CEP104: variants seen among roughly 807,000 people sequenced by gnomAD.
The protein encoded by CEP104 is centrosomal protein 104, also known as centrosomal protein of 104 kDa.
A neutral mutation model predicts 113.3 loss-of-function variants in CEP104; 84 were observed. The ratio of observed to expected loss-of-function variants is 0.74; its 90% CI spans 0.62 to 0.89. The LOEUF (loss-of-function observed/expected upper bound fraction) is 0.89. Among genes scored for constraint, CEP104 ranks in the 40% least tolerant of loss-of-function variants. The probability of loss-of-function intolerance (pLI) is 0.00; values close to 1 mark genes in which losing one functional copy is unlikely to be tolerated. For synonymous variants in CEP104, 378 were observed against 421.7 expected, an observed-to-expected ratio of 0.90 and a Z score of 1.27; for missense variants, 1,053 against 1,156.6, an observed-to-expected ratio of 0.91 and a Z score of 1.30.
chr1:3,825,718 C>G (rs751856017), intron 18 of CEP104, 40 bp downstream of exon 18: 2 of 1,313,082 alleles, frequency 1.5e-6, no homozygotes, highest in Non-Finnish European at 2.2e-6. Flanking sequence ...CAGGTGTTCC[C>G]GCTCATGCAA....
intron 6 of CEP104, among the ~76,000 whole-genome samples, chr1:3,841,300 T>G (rs1367164078): frequency 6.6e-6 from 1 of 151,778 alleles, no homozygotes; most frequent in African/African-American, 2.4e-5. Context: ...CTCTGGCATC[T>G]CCCCACCCTT....
intron 6 of CEP104, among the ~76,000 whole-genome samples, chr1:3,840,921 T>C (rs936018885): frequency 6.6e-6 from 1 of 152,232 alleles, no homozygotes; most frequent in African/African-American, 2.4e-5. Context: ...AGTTGTATGG[T>C]GTCAACCATC....
rs535885590 is a variant in CEP104, at chr1:3,847,263, C to CTGGGCACTAGGCCAGTTCGTGG, written c.426+190_426+211dup. On this transcript the variant is annotated intron_variant, in intron 4 of 21. Coordinates refer to ENST00000378230, the MANE Select transcript of CEP104 (RefSeq NM_014704.4). ...CTGTCTGGTGATGCTGGCAGCAGCT[C>CTGGGCACTAGGCCAGTTCGTGG]TGGGCACTAGGCCAGTTCGTGGTGG... is the stretch of plus-strand genomic sequence containing the variant. 5.9e-3 allele frequency among the ~76,000 whole-genome samples: 897 copies of CTGGGCACTAGGCCAGTTCGTGG among 152,320 alleles called. 9 individuals are homozygous for CTGGGCACTAGGCCAGTTCGTGG. The highest frequency in any genetic ancestry group is 0.02 in the African/African-American group (834 of 41,562).
At position 3,839,857 on chromosome 1, in the gene CEP104, C is replaced by A. The variant is rs1570820794; in HGVS notation, c.567-81G>T. 1.7e-5 allele frequency: 19 copies of A among 1,138,162 alleles called. No individual in the cohort carries two copies. The East Asian group carries it at 4.3e-4, about 26-fold the overall frequency. The allele number at this position is 1,138,162 out of a possible 1,614,324, so 70.5% of individuals were successfully genotyped here. ...CTGAAGATGCACGGTTGAGAAGATG[C>A]CCCTCCCCATCCTGCCCCATCATGG... On this transcript the variant is annotated intron_variant, in intron 6 of 21. Transcript: ENST00000378230.
Position 3,819,132 on chromosome 1 carries a change from G to C in CEP104, c.2572-2762C>G, listed in dbSNP as rs57991510. On this transcript the variant is annotated intron_variant, in intron 20 of 21. Transcript: ENST00000378230. The surrounding 1 kb of genome is among the most constrained non-coding windows in gnomAD (Gnocchi z 4.6). ...GGACTTTAAAGCAGATACCTAGTAT[G>C]TTCAAGGACTTGAACGTGCAATGAA... Among the ~76,000 whole-genome samples, 1,740 of 152,300 alleles carry C rather than the reference G, an allele frequency of 0.011. 35 individuals are homozygous for C. Among genetic ancestry groups the C allele is most frequent in the African/African-American group, 0.04 (1,653 of 41,564 alleles).
intron 15 of CEP104, among the ~76,000 whole-genome samples, chr1:3,828,655 G>A (rs916192203): frequency 3.3e-5 from 5 of 152,112 alleles, no homozygotes; most frequent in African/African-American, 7.2e-5. Context: ...TCAGGTCTGC[G>A]GAACGGAAAC....
At chr1:3,853,405 GAAA>G (rs35675178) in intron 1 of CEP104, among the ~76,000 whole-genome samples, 7 of 149,200 alleles carry the variant, frequency 4.7e-5, no homozygotes, top group South Asian at 2.1e-4. Context: ...ATCATCGGGG[GAAA>G]AAAAAAAAGG....
intron 1 of CEP104, chr1:3,856,115 A>T (rs923294408): frequency 1.2e-5 from 3 of 253,644 alleles, no homozygotes; most frequent in Admixed American, 6.5e-5. Context: ...TTTTAAGAAG[A>T]CTTTTAAGTG....
chr1:3,837,897 G>C (rs147953110), intron 8 of CEP104, among the ~76,000 whole-genome samples: 1 of 152,346 alleles, frequency 6.6e-6, no homozygotes, highest in East Asian at 1.9e-4. Context: ...TTCAAAATCT[G>C]GCACTGCTAT....
chr1:3,827,591 G>A (rs1008544726), intron 15 of CEP104, among the ~76,000 whole-genome samples: 3 of 152,230 alleles, frequency 2.0e-5, no homozygotes, highest in Admixed American at 6.5e-5. Flanking sequence ...GGATGGTGGC[G>A]ATGGTTGCAC....
chr1:3,823,215 G>A lies in CEP104; in HGVS notation c.2530C>T (p.Arg844Trp), dbSNP rs376377846. ...NPAKPEKLAN[R>W]CPLCHENFSP... ...AAGTTCTCATGACACAGGGGACACC[G>A]GTTTGCCAGCTTCTCCGGTTTGGCA... is the stretch of plus-strand genomic sequence containing the variant. Residue 844 changes from arginine (R) to tryptophan (W), a missense_variant, in exon 20 of 22, where the codon CGG becomes TGG. By Grantham distance (101) the Arg-to-Trp change is moderately radical. Transcript: ENST00000378230. The surrounding 1 kb of genome is among the most constrained non-coding windows in gnomAD (Gnocchi z 4.1). 9.3e-6 allele frequency: 15 copies of A among 1,614,042 alleles called. No homozygotes were observed. The highest frequency in any genetic ancestry group is 5.5e-5 in the South Asian group (5 of 91,086).
chr1:3,842,928 C>G (rs1167116559), intron 6 of CEP104, among the ~76,000 whole-genome samples: 1 of 152,146 alleles, frequency 6.6e-6, no homozygotes, highest in Admixed American at 6.5e-5. Flanking sequence ...GCTGGGACTA[C>G]AGGTGTGCGC....
chr1:3,847,032 T>G (rs1474721530), intron 4 of CEP104, among the ~76,000 whole-genome samples: 1 of 152,236 alleles, frequency 6.6e-6, no homozygotes, highest in East Asian at 1.9e-4. Flanking sequence ...TATTTACAAC[T>G]GTGCTGTCCT....
chr1:3,822,707 T>TA (rs56900717), intron 20 of CEP104: 103,072 of 154,112 alleles, frequency 0.67, 36,067 homozygotes, highest in African/African-American at 0.89. Flanking sequence ...CCGTCCCCAC[T>TA]TGCCTGCTGA....
chr1:3,848,787 A>C lies in CEP104; in HGVS notation c.114-6T>G. On this transcript the variant is annotated splice_polypyrimidine_tract_variant and splice_region_variant and intron_variant, in intron 2 of 21. Transcript: ENST00000378230. Reference sequence around the variant, plus strand: ...CTTGTGGAAACTGGCAAAATCTGAAAGCAAACACATTTTTATATTTTCTGA... The same window carrying C: ...CTTGTGGAAACTGGCAAAATCTGAACGCAAACACATTTTTATATTTTCTGA... 1 of 1,604,566 alleles carries C rather than the reference A, an allele frequency of 6.2e-7. No individual in the cohort carries two copies. The highest frequency in any genetic ancestry group is 8.5e-7 in the Non-Finnish European group (1 of 1,177,142).
At chr1:3,853,572 T>C (rs1019866883) in intron 1 of CEP104, among the ~76,000 whole-genome samples, 4 of 152,248 alleles carry the variant, frequency 2.6e-5, no homozygotes, top group African/African-American at 9.6e-5. Context: ...GATCTAGATC[T>C]TTCTTTTACT....
intron 20 of CEP104, chr1:3,816,595 G>T: frequency 2.0e-6 from 1 of 490,918 alleles, no homozygotes; most frequent in Non-Finnish European, 3.6e-6. Flanking sequence ...CCTGTCACCA[G>T]GCAAGCCTGC....
Position 3,815,206 on chromosome 1 carries a change from AG to A in CEP104, c.*195del, listed in dbSNP as rs1643862159. ...GCGGCCAGGTCCTGGCACTGCACGC[AG>A]GATCTTTGGTTAGCTGCATCCATAT... is the stretch of plus-strand genomic sequence containing the variant. On this transcript the variant is annotated 3_prime_UTR_variant, in exon 22 of 22. Transcript: ENST00000378230. 1.7e-6 allele frequency: 1 copy of A among 585,096 alleles called. No homozygotes were observed. Among genetic ancestry groups the A allele is most frequent in the Non-Finnish European group, 3.1e-6 (1 of 325,804 alleles). The allele number at this position is 585,096 out of a possible 1,614,324, so 36.2% of individuals were successfully genotyped here.
intron 2 of CEP104, among the ~76,000 whole-genome samples, chr1:3,849,266 C>G (rs911836134): frequency 2.4e-5 from 3 of 127,368 alleles, no homozygotes; most frequent in African/African-American, 8.8e-5. Context: ...AGTGACATAA[C>G]TTTTTTTTTT....
Sources: gnomAD v4.1 joint callset for allele counts (sites outside exome capture counted in the v4.1 genomes callset) on GRCh38, gnomAD v4.1.1 for gene constraint, Gnocchi (gnomAD v3.1) non-coding constraint, MANE v1.5 for transcripts, NCBI Gene and HGNC (gene_info 2026-07-23, HGNC 2026-07-21) for gene names.